The following PWP1 variants were observed in gnomAD, a reference collection of about 807,000 sequenced individuals.
The protein encoded by PWP1 is PWP1 homolog, endonuclein, also known as periodic tryptophan protein 1 homolog.
A neutral mutation model predicts 69.9 loss-of-function variants in PWP1; 47 were observed. The observed-to-expected ratio is 0.67, with a 90% confidence interval of 0.53 to 0.86. The LOEUF (loss-of-function observed/expected upper bound fraction) is 0.86, where lower values mean the gene tolerates loss of function less well. Ranked by LOEUF, PWP1 falls within the 40% of genes least tolerant of loss-of-function variation. The probability of loss-of-function intolerance (pLI) is 0.00; values close to 1 mark genes in which losing one functional copy is unlikely to be tolerated. For synonymous variants in PWP1, 222 were observed against 208.2 expected, an observed-to-expected ratio of 1.07 and a Z score of -0.57; for missense variants, 551 against 608.8, an observed-to-expected ratio of 0.91 and a Z score of 1.00.
rs1175280328 is a variant in PWP1 at position 107,696,464 on chromosome 12, A to G, written c.503-10A>G. 28 of 1,608,980 alleles carry G rather than the reference A, an allele frequency of 1.7e-5. No homozygotes were observed. Among genetic ancestry groups the G allele is most frequent in the African/African-American group, 5.4e-5 (4 of 74,616 alleles). On this transcript the variant is annotated splice_polypyrimidine_tract_variant and intron_variant, in intron 5 of 14. Coordinates refer to ENST00000412830, the MANE Select transcript of PWP1 (RefSeq NM_007062.3). ...TGATACATTAAAGTCTCTTTTCCCAATCTTTTCAGTTTATAATCAAGAAGA... is the reference window on the plus strand; with the variant it reads ...TGATACATTAAAGTCTCTTTTCCCAGTCTTTTCAGTTTATAATCAAGAAGA...
In PWP1 at chr12:107,709,161, G is replaced by A. The variant is rs1262420338; in HGVS notation, c.1219G>A (p.Asp407Asn). The change falls in exon 13 of 15, where the codon GAC (aspartate) becomes AAC (asparagine). Residue 407 changes from aspartate to asparagine, a missense_variant. Asp to Asn is a conservative substitution (Grantham distance 23). Coordinates refer to ENST00000412830, the MANE Select transcript of PWP1 (RefSeq NM_007062.3). ...GGGCTGTCTCGTGACTGCTTCAGCT[G>A]ACAAATACGTGAAGATCTGGGACAT... ...IKGCLVTASA[D>N]KYVKIWDILG... 2 of 1,613,974 alleles carry A rather than the reference G, an allele frequency of 1.2e-6. No homozygotes were observed. Among genetic ancestry groups the A allele is most frequent in the South Asian group, 2.2e-5 (2 of 91,072 alleles).
chr12:107,699,111 TAGCTG>T (rs1462881706), intron 7 of PWP1, among the ~76,000 whole-genome samples: 2 of 152,076 alleles, frequency 1.3e-5, no homozygotes, highest in Non-Finnish European at 2.9e-5. Flanking sequence ...ATATAAAAAT[TAGCTG>T]GGCATGGTGG....
chr12:107,705,422 C>T (rs1402835756), intron 11 of PWP1, among the ~76,000 whole-genome samples: 1 of 151,170 alleles, frequency 6.6e-6, no homozygotes, highest in African/African-American at 2.4e-5. Context: ...GCACAACGTC[C>T]AGGTTTGTTA....
intron 11 of PWP1, among the ~76,000 whole-genome samples, chr12:107,707,606 G>A (rs1889849082): frequency 6.6e-6 from 1 of 152,152 alleles, no homozygotes; most frequent in African/African-American, 2.4e-5. Context: ...TTAGCATGAA[G>A]GGCTGTTGAA....
At chr12:107,707,829 G>A (rs1038904277) in intron 11 of PWP1, among the ~76,000 whole-genome samples, 12 of 152,148 alleles carry the variant, frequency 7.9e-5, no homozygotes, top group Admixed American at 2.6e-4. Context: ...TTTTTGCATC[G>A]ATGTTCTTCA....
chr12:107,697,913 T>C, intron 7 of PWP1: 2 of 411,430 alleles, frequency 4.9e-6, no homozygotes, highest in South Asian at 3.6e-5. Flanking sequence ...TAGCTATTTA[T>C]ACAGATATAC....
In PWP1 at chr12:107,692,869, T is replaced by A. The variant is rs1164754656; in HGVS notation, c.375T>A (p.Asp125Glu). The change falls in exon 4 of 15, where the codon GAT becomes GAA. Residue 125 changes from aspartate (D) to glutamate (E), a missense_variant. Transcript: ENST00000412830. ...LLGLTVYGSN[D>E]QDPYVTLKDT... Reference sequence around the variant, plus strand: ...GTCTTACGGTCTACGGGAGTAATGATCAAGATCCTTACGTTACTCTGAAAG... The same window carrying A: ...GTCTTACGGTCTACGGGAGTAATGAACAAGATCCTTACGTTACTCTGAAAG... The A allele has an allele frequency of 6.2e-7, 1 of 1,614,118 alleles. No individual in the cohort carries two copies. The highest frequency in any genetic ancestry group is 1.7e-5 in the Admixed American group (1 of 60,024).
intron 5 of PWP1, among the ~76,000 whole-genome samples, chr12:107,695,901 G>A (rs1020362527): frequency 3.3e-5 from 5 of 152,148 alleles, no homozygotes; most frequent in African/African-American, 1.2e-4. Flanking sequence ...CTAGAAGACA[G>A]GACCATTTAT....
chr12:107,693,300 T>A (rs1362331363), intron 5 of PWP1, among the ~76,000 whole-genome samples: 2 of 152,158 alleles, frequency 1.3e-5, no homozygotes, highest in Non-Finnish European at 2.9e-5. Flanking sequence ...ATCTGAATTT[T>A]CTATGGAAAT....
chr12:107,708,804 G>T, intron 11 of PWP1, 122 bp from the exon 12 acceptor site: 1 of 890,782 alleles, frequency 1.1e-6, no homozygotes, highest in East Asian at 2.6e-5. Flanking sequence ...TTCTGTCCAT[G>T]TTAATTTTTC....
chr12:107,690,859 A>T (rs74478045), intron 3 of PWP1, among the ~76,000 whole-genome samples: 3,510 of 151,854 alleles, frequency 0.023, 142 homozygotes, highest in African/African-American at 0.08. Context: ...TACAACATTT[A>T]AAAAAAAATC....
chr12:107,702,342 G>A (rs753525689), intron 8 of PWP1, among the ~76,000 whole-genome samples: 8 of 152,022 alleles, frequency 5.3e-5, no homozygotes, highest in East Asian at 1.9e-4. Context: ...GTCCAGTGAC[G>A]TGATCTTGGT....
At chr12:107,697,641 G>A in intron 7 of PWP1, 44 bp downstream of exon 7, 1 of 1,563,714 alleles carries the variant, frequency 6.4e-7, no homozygotes, top group Non-Finnish European at 8.7e-7. Context: ...ACAGAGGTAA[G>A]TTTACTCGGG....
intron 1 of PWP1, among the ~76,000 whole-genome samples, chr12:107,686,300 A>C (rs1018887049): frequency 7.2e-5 from 11 of 152,176 alleles, no homozygotes; most frequent in Admixed American, 5.9e-4. Context: ...CTTTTTGACA[A>C]CACCACTAGC....
At position 107,698,561 on chromosome 12, in the gene PWP1, TC is replaced by T. The variant is rs35013338; in HGVS notation, c.745-810del. Among the ~76,000 whole-genome samples the T allele has an allele frequency of 1.5e-3, 228 of 152,274 alleles. 2 individuals carry two copies. Among genetic ancestry groups the T allele is most frequent in the Admixed American group, 6.7e-3 (102 of 15,286 alleles). ...TAAACTACTATAGTTTCTTCCCTGT[TC>T]CTTGTAATGAAATTTTTTTCTTTAT... On this transcript the variant is annotated intron_variant, in intron 7 of 14. Transcript: ENST00000412830.
In PWP1 at chr12:107,712,697, T is replaced by A. The variant is rs1303561823; in HGVS notation, c.*477T>A. 1 of 153,200 alleles carries A rather than the reference T, an allele frequency of 6.5e-6. No homozygotes were observed. The highest frequency in any genetic ancestry group is 2.4e-5 in the African/African-American group (1 of 41,446). The allele number at this position is 153,200 out of a possible 1,614,324, so 9.5% of individuals were successfully genotyped here. Reference sequence around the variant, plus strand: ...CAAATTAATGCTCATGATTGAGTATTCTCAGTGCAACTCGTAGAGTTTGAT... The same window carrying A: ...CAAATTAATGCTCATGATTGAGTATACTCAGTGCAACTCGTAGAGTTTGAT... On this transcript the variant is annotated 3_prime_UTR_variant, in exon 15 of 15. Coordinates refer to ENST00000412830, the MANE Select transcript of PWP1 (RefSeq NM_007062.3).
intron 3 of PWP1, 155 bp from the exon 4 acceptor site, chr12:107,692,659 C>G: frequency 1.6e-6 from 1 of 624,808 alleles, no homozygotes; most frequent in Non-Finnish European, 2.7e-6. Flanking sequence ...TAAATTCCTG[C>G]TGCTGCTTAC....
At chr12:107,699,947 C>T (rs951199714) in intron 8 of PWP1, among the ~76,000 whole-genome samples, 7 of 152,190 alleles carry the variant, frequency 4.6e-5, no homozygotes, top group East Asian at 1.9e-4. Flanking sequence ...CTGGGGAGGC[C>T]TCACAGTTAT....
At chr12:107,707,695 C>T (rs950837039) in intron 11 of PWP1, among the ~76,000 whole-genome samples, 2 of 152,070 alleles carry the variant, frequency 1.3e-5, no homozygotes, top group African/African-American at 2.4e-5. Flanking sequence ...TGCTGGATTA[C>T]GTTTATTGAT....
Sources: allele counts gnomAD v4.1 joint callset (sites outside exome capture counted in the v4.1 genomes callset), GRCh38; gene constraint gnomAD v4.1.1; transcripts MANE v1.5; gene names NCBI Gene and HGNC (gene_info 2026-07-23, HGNC 2026-07-21).